The following HNRNPC variants were observed in gnomAD, a reference collection of about 807,000 sequenced individuals.
HNRNPC encodes heterogeneous nuclear ribonucleoprotein C.
HNRNPC carries 3 observed loss-of-function variants against 33.2 expected under a neutral mutation model. The ratio of observed to expected loss-of-function variants is 0.09; its 90% confidence interval spans 0.04 to 0.23. The LOEUF (loss-of-function observed/expected upper bound fraction) is 0.23. Ranked by LOEUF, HNRNPC falls within the 10% of genes least tolerant of loss-of-function variation. HNRNPC has a pLI of 1.00. For synonymous variants in HNRNPC, 121 were observed against 126.7 expected, an observed-to-expected ratio of 0.96 and a Z score of 0.30; for missense variants, 143 against 366.7, an observed-to-expected ratio of 0.39 and a Z score of 4.98.
Position 21,212,983 on chromosome 14 carries a change from C to T in HNRNPC, c.500G>A (p.Arg167Gln). The T allele has an allele frequency of 1.2e-6, 2 of 1,613,928 alleles. No individual in the cohort carries two copies. Among genetic ancestry groups the T allele is most frequent in the Non-Finnish European group, 8.5e-7 (1 of 1,179,860 alleles). ...ACACTTTCCAGACTTGGAAGATCCC[C>T]GCTGTCCACTCTTAGAATTGAAGCC... ...KSGFNSKSGQRGSSKSGKLKG... is the reference protein window; with the variant it reads ...KSGFNSKSGQQGSSKSGKLKG... The change falls in exon 6 of 9, where the codon CGG (arginine) becomes CAG (glutamine). Residue 167 changes from arginine to glutamine, a missense_variant. Arg to Gln is a conservative substitution (Grantham distance 43, BLOSUM62 1). This residue lies in a region of HNRNPC where 131 missense variants were observed against 253.0 expected (regional missense o/e 0.52). Coordinates refer to ENST00000553300, the MANE Select transcript of HNRNPC (RefSeq NM_004500.4).
At chr14:21,232,067 CAAAAAAAAT>C (rs1894180438) in intron 3 of HNRNPC, among the ~76,000 whole-genome samples, 1 of 151,338 alleles carries the variant, frequency 6.6e-6, no homozygotes, top group South Asian at 2.1e-4. Flanking sequence ...TTACACACAC[CAAAAAAAAT>C]AAAAGAGCAA....
intron 2 of HNRNPC, among the ~76,000 whole-genome samples, chr14:21,252,731 A>G (rs1309899492): frequency 6.6e-6 from 1 of 152,210 alleles, no homozygotes; most frequent in African/African-American, 2.4e-5. Context: ...GAAATGTATC[A>G]AGAATTTGCT....
At chr14:21,232,119 G>A (rs1299469301) in intron 3 of HNRNPC, among the ~76,000 whole-genome samples, 1 of 152,074 alleles carries the variant, frequency 6.6e-6, no homozygotes, top group Non-Finnish European at 1.5e-5. Flanking sequence ...AATACAATTT[G>A]TAACACGTAT....
intron 3 of HNRNPC, chr14:21,231,274 C>A: frequency 1.5e-6 from 1 of 668,734 alleles, no homozygotes; most frequent in Non-Finnish European, 2.7e-6. Context: ...ACTGTCACTA[C>A]AGGCGGGCAC....
At chr14:21,264,758 G>A (rs1175996904) in intron 1 of HNRNPC, 1 of 152,158 alleles carries the variant, frequency 6.6e-6, no homozygotes, top group African/African-American at 2.4e-5. Flanking sequence ...GCCAAGTGTG[G>A]TGGCTCACAC....
At chr14:21,230,270 GTTC>G (rs1419011202) in intron 5 of HNRNPC, 46 bp downstream of exon 5, 2 of 1,324,344 alleles carry the variant, frequency 1.5e-6, no homozygotes, top group East Asian at 4.6e-5. Context: ...GAACGAAATG[GTTC>G]TCACTAAATA....
intron 2 of HNRNPC, among the ~76,000 whole-genome samples, chr14:21,242,653 G>C (rs1363830477): frequency 6.6e-6 from 1 of 152,186 alleles, no homozygotes; most frequent in Non-Finnish European, 1.5e-5. Flanking sequence ...GGGGGAAAAT[G>C]TATCTTTACA....
At chr14:21,243,230 GATA>G (rs144833897) in intron 2 of HNRNPC, among the ~76,000 whole-genome samples, 2,456 of 152,184 alleles carry the variant, frequency 0.016, 34 homozygotes, top group Middle Eastern at 0.078. Flanking sequence ...TTATTCTTTT[GATA>G]ATATTTTGGT....
At chr14:21,255,399 C>T (rs1276754290) in intron 2 of HNRNPC, among the ~76,000 whole-genome samples, 1 of 152,160 alleles carries the variant, frequency 6.6e-6, no homozygotes, top group Non-Finnish European at 1.5e-5. Context: ...TTACAAATAG[C>T]CATGCTTTCT....
chr14:21,261,639 A>G (rs1878266405), intron 2 of HNRNPC, among the ~76,000 whole-genome samples: 1 of 152,172 alleles, frequency 6.6e-6, no homozygotes, highest in Non-Finnish European at 1.5e-5. Flanking sequence ...TCATGCCTGT[A>G]ATGTCAACAC....
At chr14:21,263,523 A>C (rs548497009) in intron 1 of HNRNPC, 187 bp from the exon 2 acceptor site, 1 of 152,138 alleles carries the variant, frequency 6.6e-6, no homozygotes, top group Non-Finnish European at 1.5e-5. Flanking sequence ...AAAATACACG[A>C]GGAAGTAGAG....
intron 2 of HNRNPC, among the ~76,000 whole-genome samples, chr14:21,261,676 G>A (rs921140046): frequency 5.9e-5 from 9 of 152,130 alleles, no homozygotes; most frequent in African/African-American, 2.2e-4. Flanking sequence ...CAGGAGGATC[G>A]CTTGAGCCCA....
chr14:21,242,794 G>C (rs1397253595), intron 2 of HNRNPC, among the ~76,000 whole-genome samples: 1 of 152,140 alleles, frequency 6.6e-6, no homozygotes, highest in African/African-American at 2.4e-5. Flanking sequence ...TTCTCACCAA[G>C]CTATCTTTCT....
intron 2 of HNRNPC, among the ~76,000 whole-genome samples, chr14:21,237,304 T>C (rs1231851781): frequency 6.6e-6 from 1 of 152,246 alleles, no homozygotes; most frequent in Non-Finnish European, 1.5e-5. Flanking sequence ...CATTCTAGTC[T>C]TCCCAGAAAA....
Position 21,230,131 on chromosome 14 carries a change from T to C in HNRNPC, c.365+188A>G, listed in dbSNP as rs565488622. ...ACCACGTTAGCCAGGGATTATGAAA[T>C]AATGCATTAAAATCAGTATCACCCT... On this transcript the variant is annotated intron_variant, in intron 5 of 8. Transcript: ENST00000553300. Among the ~76,000 whole-genome samples, 58 of 152,302 alleles carry C rather than the reference T, an allele frequency of 3.8e-4. 1 individual carries two copies. The highest frequency in any genetic ancestry group is 1.3e-3 in the African/African-American group (53 of 41,564).
intron 5 of HNRNPC, 150 bp downstream of exon 5, chr14:21,230,169 A>AATAAC: frequency 1.9e-6 from 1 of 526,400 alleles, no homozygotes; most frequent in East Asian, 3.3e-5. Flanking sequence ...CTAATAATCT[A>AATAAC]CTTAATGATT....
intron 5 of HNRNPC, among the ~76,000 whole-genome samples, chr14:21,225,987 A>C (rs1387498285): frequency 6.6e-6 from 1 of 152,152 alleles, no homozygotes; most frequent in Non-Finnish European, 1.5e-5. Context: ...ATATAGATCA[A>C]GACTTTTATG....
chr14:21,243,959 G>T (rs1052202692), intron 2 of HNRNPC, among the ~76,000 whole-genome samples: 11 of 146,678 alleles, frequency 7.5e-5, no homozygotes, highest in Non-Finnish European at 1.6e-4. Flanking sequence ...AAATGTTGAT[G>T]GTGGTTACCT....
intron 4 of HNRNPC, chr14:21,230,709 A>G (rs932755828): frequency 2.5e-5 from 12 of 487,430 alleles, no homozygotes; most frequent in South Asian, 1.1e-4. Flanking sequence ...ACGATCCTGT[A>G]TAAGTATTTC....
Sources: gnomAD v4.1 joint callset for allele counts (sites outside exome capture counted in the v4.1 genomes callset) on GRCh38, gnomAD v4.1.1 for gene constraint, gnomAD v4.1.1 regional missense constraint, MANE v1.5 for transcripts, NCBI Gene and HGNC (gene_info 2026-07-23, HGNC 2026-07-21) for gene names.